TMPRSS15: variants seen among roughly 807,000 people sequenced by gnomAD.
The protein encoded by TMPRSS15 is enteropeptidase.
TMPRSS15 carries 128 observed loss-of-function variants against 125.3 expected under a neutral mutation model. That is an observed-to-expected ratio of 1.02 (90% CI 0.89 to 1.18). The LOEUF (loss-of-function observed/expected upper bound fraction) is 1.18. TMPRSS15 is among the 50% of genes most tolerant of loss of function. The probability of loss-of-function intolerance (pLI) is 0.00; values close to 1 mark genes in which losing one functional copy is unlikely to be tolerated. For missense variants in TMPRSS15, 1,283 were observed against 1,212.7 expected, an observed-to-expected ratio of 1.06 and a Z score of -0.86; for synonymous variants, 446 against 423.2, an observed-to-expected ratio of 1.05 and a Z score of -0.66.
chr21:18,425,622 A>T (rs1458858021), intron 1 of TMPRSS15, among the ~76,000 whole-genome samples: 1 of 151,526 alleles, frequency 6.6e-6, no homozygotes, highest in African/African-American at 2.4e-5. Flanking sequence ...CAAACTCTTA[A>T]CAAGTATTTA....
chr21:18,469,359 C>T (rs1014436181), intron 1 of TMPRSS15, among the ~76,000 whole-genome samples: 14 of 151,970 alleles, frequency 9.2e-5, no homozygotes, highest in African/African-American at 3.1e-4. Context: ...TAGAATTTTC[C>T]TGAGGTTCTG....
intron 1 of TMPRSS15, among the ~76,000 whole-genome samples, chr21:18,451,384 CTT>C (rs763949920): frequency 6.8e-6 from 1 of 147,956 alleles, no homozygotes; most frequent in Non-Finnish European, 1.5e-5. Context: ...TTTGTCTGCC[CTT>C]TTTTTTTTGA....
intron 16 of TMPRSS15, among the ~76,000 whole-genome samples, chr21:18,325,392 T>C (rs193230393): frequency 6.6e-6 from 1 of 152,274 alleles, no homozygotes; most frequent in East Asian, 1.9e-4. Context: ...CAGGGCCAGA[T>C]GGTAGACCTC....
At chr21:18,464,544 T>C (rs1295885928) in intron 1 of TMPRSS15, among the ~76,000 whole-genome samples, 1 of 151,134 alleles carries the variant, frequency 6.6e-6, no homozygotes, top group Non-Finnish European at 1.5e-5. Flanking sequence ...GAGAGAAGAA[T>C]CAAATAAACA....
chr21:18,345,650 A>T (rs2075498215), intron 10 of TMPRSS15, among the ~76,000 whole-genome samples: 1 of 140,356 alleles, frequency 7.1e-6, no homozygotes. Flanking sequence ...CTGAGGCAGG[A>T]GAATGACGTG....
intron 1 of TMPRSS15, among the ~76,000 whole-genome samples, chr21:18,480,591 C>A (rs1243290280): frequency 2.0e-5 from 3 of 151,916 alleles, no homozygotes; most frequent in East Asian, 1.9e-4. Context: ...ACTTTGAGTT[C>A]TTTTGTCAGG....
At chr21:18,280,976 T>C in intron 22 of TMPRSS15, 64 bp downstream of exon 22, 4 of 1,529,198 alleles carry the variant, frequency 2.6e-6, no homozygotes, top group Non-Finnish European at 3.6e-6. Flanking sequence ...TTGATAATAT[T>C]TGAAATCTAG....
chr21:18,407,692 T>A (rs968426813), upstream of TMPRSS15, among the ~76,000 whole-genome samples: 3 of 152,232 alleles, frequency 2.0e-5, no homozygotes, highest in Admixed American at 1.3e-4. Context: ...AAGGAGCTTT[T>A]CTATTGTGAA....
At chr21:18,474,141 A>C (rs1022926080) in intron 1 of TMPRSS15, among the ~76,000 whole-genome samples, 4 of 152,086 alleles carry the variant, frequency 2.6e-5, no homozygotes, top group African/African-American at 9.7e-5. Context: ...TGTTATATAT[A>C]TATACCCATA....
intron 3 of TMPRSS15, among the ~76,000 whole-genome samples, chr21:18,396,410 C>T (rs1001745790): frequency 6.6e-6 from 1 of 152,068 alleles, no homozygotes; most frequent in Admixed American, 6.6e-5. Context: ...TTCCAAGCCT[C>T]GGTGTCGTAG....
chr21:18,333,474 A>G (rs1301003679), intron 13 of TMPRSS15, among the ~76,000 whole-genome samples: 1 of 152,204 alleles, frequency 6.6e-6, no homozygotes, highest in Non-Finnish European at 1.5e-5. Flanking sequence ...AAACAAATTC[A>G]ATATTTACCA....
chr21:18,321,579 C>G (rs1285427616), intron 16 of TMPRSS15, among the ~76,000 whole-genome samples: 1 of 152,050 alleles, frequency 6.6e-6, no homozygotes, highest in Non-Finnish European at 1.5e-5. Flanking sequence ...GTCTCAATCT[C>G]CTGCCTCTCG....
chr21:18,284,115 T>C (rs1163011561), intron 21 of TMPRSS15, among the ~76,000 whole-genome samples: 2 of 152,248 alleles, frequency 1.3e-5, no homozygotes, highest in Non-Finnish European at 2.9e-5. Flanking sequence ...CTTCAGTATC[T>C]ATGAGCAGCA....
rs2074606343 is a variant in TMPRSS15, at chr21:18,275,304, C to T, written c.2797G>A (p.Val933Ile). Reference sequence around the variant, plus strand: ...CATCTCTCATTTGATAGAAGAGGAACATCAGCTTCTTGCAATATGTTTGCA... The same window carrying T: ...CATCTCTCATTTGATAGAAGAGGAATATCAGCTTCTTGCAATATGTTTGCA... ...TTANILQEAD[V>I]PLLSNERCQQ... Residue 933 changes from valine (V) to isoleucine (I), a missense_variant, in exon 24 of 25, where the codon GTT becomes ATT. Physicochemically the swap from Val to Ile is conservative, Grantham distance 29 (BLOSUM62 3). Coordinates refer to ENST00000284885, the MANE Select transcript of TMPRSS15 (RefSeq NM_002772.3). 1.2e-6 allele frequency: 2 copies of T among 1,614,016 alleles called. No homozygotes were observed. Among genetic ancestry groups the T allele is most frequent in the Non-Finnish European group, 1.7e-6 (2 of 1,179,968 alleles).
At chr21:18,415,409 A>G (rs8132638) in intron 1 of TMPRSS15, among the ~76,000 whole-genome samples, 47,414 of 151,960 alleles carry the variant, frequency 0.31, 8,001 homozygotes, top group East Asian at 0.59. Context: ...TTAGTGCCAT[A>G]GTCAAGAAAT....
At chr21:18,422,669 A>G (rs1243843323) in intron 1 of TMPRSS15, among the ~76,000 whole-genome samples, 2 of 152,248 alleles carry the variant, frequency 1.3e-5, no homozygotes, top group Non-Finnish European at 2.9e-5. Flanking sequence ...AAGCATTTAA[A>G]TAAATAGCCT....
At chr21:18,372,035 A>G (rs1277506521) in intron 6 of TMPRSS15, among the ~76,000 whole-genome samples, 158 bp downstream of exon 6, 1 of 151,618 alleles carries the variant, frequency 6.6e-6, no homozygotes, top group African/African-American at 2.4e-5. Flanking sequence ...ATTTTGTATT[A>G]TATTTTAAAA....
At chr21:18,408,837 T>C (rs2076158833) in intron 1 of TMPRSS15, among the ~76,000 whole-genome samples, 1 of 152,118 alleles carries the variant, frequency 6.6e-6, no homozygotes, top group Non-Finnish European at 1.5e-5. Flanking sequence ...TTTTTGATCC[T>C]TGAAAAATTT....
chr21:18,282,912 G>A (rs960992807), intron 21 of TMPRSS15, among the ~76,000 whole-genome samples: 1 of 152,136 alleles, frequency 6.6e-6, no homozygotes, highest in Admixed American at 6.5e-5. Flanking sequence ...TGGAGATGTG[G>A]GGGGCAAGAG....
Sources: gnomAD v4.1 joint callset for allele counts (sites outside exome capture counted in the v4.1 genomes callset) on GRCh38, gnomAD v4.1.1 for gene constraint, MANE v1.5 for transcripts, NCBI Gene and HGNC (gene_info 2026-07-23, HGNC 2026-07-21) for gene names.